The following GRIA1 variants were observed in gnomAD, a reference collection of about 807,000 sequenced individuals.
GRIA1 encodes glutamate receptor 1.
GRIA1 carries 31 observed loss-of-function variants against 99.2 expected under a neutral mutation model. That is an observed-to-expected ratio of 0.31 (90% CI 0.23 to 0.42). The LOEUF (loss-of-function observed/expected upper bound fraction) is 0.42. Among genes scored for constraint, GRIA1 ranks in the 10% least tolerant of loss-of-function variants. The pLI is 1.00. For synonymous variants in GRIA1, 438 were observed against 432.4 expected (o/e 1.01, Z -0.16); for missense variants, 782 against 1,157.5 (o/e 0.68, Z 4.71).
intron 13 of GRIA1, among the ~76,000 whole-genome samples, chr5:153,771,838 G>A (rs1763901323): frequency 6.6e-6 from 1 of 151,666 alleles, no homozygotes; most frequent in South Asian, 2.1e-4. Flanking sequence ...CAATCTACAT[G>A]AGCAACAATT....
intron 2 of GRIA1, among the ~76,000 whole-genome samples, chr5:153,570,191 A>T (rs1406894118): frequency 3.3e-5 from 5 of 152,204 alleles, no homozygotes; most frequent in Non-Finnish European, 1.5e-5. Context: ...TCTATCCCCG[A>T]GATGCATTGC....
At chr5:153,615,125 AT>A (rs1766366947) in intron 2 of GRIA1, among the ~76,000 whole-genome samples, 2 of 152,242 alleles carry the variant, frequency 1.3e-5, no homozygotes, top group African/African-American at 4.8e-5. Context: ...CAGTTGTTCC[AT>A]GGCATGTGGA....
At chr5:153,797,057 A>G (rs956261745) in intron 14 of GRIA1, among the ~76,000 whole-genome samples, 1 of 152,170 alleles carries the variant, frequency 6.6e-6, no homozygotes, top group African/African-American at 2.4e-5. Flanking sequence ...TCCTGCACTA[A>G]AGAGACCCCA....
chr5:153,706,832 C>T (rs1285372789), intron 11 of GRIA1, among the ~76,000 whole-genome samples: 3 of 152,160 alleles, frequency 2.0e-5, no homozygotes, highest in African/African-American at 7.2e-5. Context: ...TGGTGGCTCA[C>T]GCCTGTAATC....
chr5:153,791,910 A>G (rs1407499396), intron 13 of GRIA1, among the ~76,000 whole-genome samples: 1 of 151,880 alleles, frequency 6.6e-6, no homozygotes, highest in African/African-American at 2.4e-5. Context: ...TCATTTGGAA[A>G]AAAAAAAAAA....
chr5:153,545,595 GC>G (rs1385036818), intron 2 of GRIA1, among the ~76,000 whole-genome samples: 22 of 152,254 alleles, frequency 1.4e-4, no homozygotes, highest in African/African-American at 5.1e-4. Flanking sequence ...CACCACTACA[GC>G]AATGTGGGAG....
chr5:153,505,028 C>A (rs966130471), intron 2 of GRIA1, among the ~76,000 whole-genome samples: 1 of 152,068 alleles, frequency 6.6e-6, no homozygotes, highest in African/African-American at 2.4e-5. Context: ...CTTCCCTATA[C>A]CTGAAGAGGG....
At chr5:153,690,531 C>T (rs577949424) in intron 8 of GRIA1, among the ~76,000 whole-genome samples, 8 of 152,182 alleles carry the variant, frequency 5.3e-5, no homozygotes, top group African/African-American at 1.4e-4. Context: ...GTAAGGGATT[C>T]GGAAAAGTAG....
intron 13 of GRIA1, among the ~76,000 whole-genome samples, chr5:153,791,500 G>A (rs1765303604): frequency 6.6e-6 from 1 of 152,036 alleles, no homozygotes; most frequent in African/African-American, 2.4e-5. Flanking sequence ...GAAGGTCTAA[G>A]TGAGCCCAGG....
intron 2 of GRIA1, among the ~76,000 whole-genome samples, chr5:153,504,985 T>C (rs1755355823): frequency 6.6e-6 from 1 of 152,168 alleles, no homozygotes; most frequent in South Asian, 2.1e-4. Flanking sequence ...CCTAATTGGT[T>C]CCATCCCCTC....
At chr5:153,693,204 C>T (rs1170874680) in intron 8 of GRIA1, among the ~76,000 whole-genome samples, 1 of 152,120 alleles carries the variant, frequency 6.6e-6, no homozygotes, top group East Asian at 1.9e-4. Flanking sequence ...AAAATGGCAA[C>T]TCTGCTGGAG....
At chr5:153,499,809 A>G (rs1308036509) in intron 2 of GRIA1, among the ~76,000 whole-genome samples, 1 of 152,086 alleles carries the variant, frequency 6.6e-6, no homozygotes, top group African/African-American at 2.4e-5. Context: ...AGCAGGCATT[A>G]AAGGGTGGAG....
At chr5:153,585,927 C>T (rs1456721863) in intron 2 of GRIA1, among the ~76,000 whole-genome samples, 3 of 152,064 alleles carry the variant, frequency 2.0e-5, no homozygotes, top group Non-Finnish European at 4.4e-5. Context: ...TCCTTAACAC[C>T]TGAGTCTGAT....
intron 10 of GRIA1, among the ~76,000 whole-genome samples, chr5:153,701,080 T>C (rs1400084504): frequency 6.6e-6 from 1 of 152,212 alleles, no homozygotes; most frequent in Non-Finnish European, 1.5e-5. Flanking sequence ...TGGCAACTGC[T>C]GTGCACTTTT....
At chr5:153,609,078 A>G (rs1360150677) in intron 2 of GRIA1, among the ~76,000 whole-genome samples, 2 of 151,982 alleles carry the variant, frequency 1.3e-5, no homozygotes, top group African/African-American at 4.8e-5. Context: ...CACTGCAATC[A>G]CCATATTTTG....
intron 2 of GRIA1, among the ~76,000 whole-genome samples, chr5:153,636,844 TA>T (rs1247183932): frequency 6.6e-6 from 1 of 152,256 alleles, no homozygotes; most frequent in Non-Finnish European, 1.5e-5. Flanking sequence ...TGGCTGTTAT[TA>T]TTATCCAAAG....
At chr5:153,552,479 G>A (rs1286197907) in intron 2 of GRIA1, among the ~76,000 whole-genome samples, 1 of 152,112 alleles carries the variant, frequency 6.6e-6, no homozygotes, top group African/African-American at 2.4e-5. Flanking sequence ...AGCTAAAGGA[G>A]TCCCTGAGAA....
At chr5:153,709,690 A>G (rs551592260) in intron 11 of GRIA1, among the ~76,000 whole-genome samples, 1 of 152,310 alleles carries the variant, frequency 6.6e-6, no homozygotes, top group East Asian at 1.9e-4. Context: ...GTCCATGTTC[A>G]AACAGCATGA....
intron 13 of GRIA1, among the ~76,000 whole-genome samples, chr5:153,792,343 A>G (rs1234073245): frequency 6.6e-6 from 1 of 152,202 alleles, no homozygotes; most frequent in East Asian, 1.9e-4. Context: ...TGAGTGGAAC[A>G]GTGAGGACTT....
Sources: allele counts gnomAD v4.1 joint callset (sites outside exome capture counted in the v4.1 genomes callset), GRCh38; gene constraint gnomAD v4.1.1; transcripts MANE v1.5; gene names NCBI Gene and HGNC (gene_info 2026-07-23, HGNC 2026-07-21).